Variants in FBLN1 observed in about 807,000 individuals in gnomAD.
FBLN1 encodes fibulin-1.
FBLN1 carries 34 observed loss-of-function variants against 89.7 expected under a neutral mutation model. That is an observed-to-expected ratio of 0.38 (90% CI 0.29 to 0.50). FBLN1 has a LOEUF of 0.50. Among genes scored for constraint, FBLN1 ranks in the 20% least tolerant of loss-of-function variants. The pLI is 0.92. For synonymous variants in FBLN1, 393 were observed against 391.3 expected (o/e 1.00, Z -0.05); for missense variants, 777 against 988.1 (o/e 0.79, Z 2.86).
intron 16 of FBLN1, among the ~76,000 whole-genome samples, chr22:45,587,166 G>A (rs913120586): frequency 2.0e-5 from 3 of 152,088 alleles, no homozygotes; most frequent in Non-Finnish European, 4.4e-5. Context: ...GGTTCCTGAC[G>A]CTGGAAGGCA....
At chr22:45,518,005 A>T (rs1415524526) in intron 1 of FBLN1, among the ~76,000 whole-genome samples, 1 of 151,652 alleles carries the variant, frequency 6.6e-6, no homozygotes, top group East Asian at 1.9e-4. Flanking sequence ...AGTGGTGGGC[A>T]CCTGTAATCC....
Position 45,557,249 on chromosome 22 carries a change from C to T in FBLN1, c.1697+6634C>T, listed in dbSNP as rs2088800186. ...GAGGGTGGATAAGGCATTCTGTGAA[C>T]CCACGGATGGTAGTCTTGGCAGAAG... On this transcript the variant is annotated intron_variant, in intron 14 of 16. Coordinates refer to ENST00000327858, the MANE Select transcript of FBLN1 (RefSeq NM_006486.3). The surrounding 1 kb of genome is among the most constrained non-coding windows in gnomAD (Gnocchi z 4.9). 6.6e-6 allele frequency among the ~76,000 whole-genome samples: 1 copy of T among 152,180 alleles called. No individual in the cohort carries two copies. The highest frequency in any genetic ancestry group is 1.5e-5 in the Non-Finnish European group (1 of 68,048).
chr22:45,538,170 G>A (rs1347809377), intron 8 of FBLN1, among the ~76,000 whole-genome samples: 1 of 152,192 alleles, frequency 6.6e-6, no homozygotes, highest in Non-Finnish European at 1.5e-5. Flanking sequence ...GGTCCTCAGT[G>A]ACAGCATCGA....
At chr22:45,546,190 A>AAG in intron 11 of FBLN1, among the ~76,000 whole-genome samples, 1 of 151,128 alleles carries the variant, frequency 6.6e-6, no homozygotes, top group East Asian at 2.0e-4. Flanking sequence ...AAAAAAAAAA[A>AAG]GAGTGAATGT....
At chr22:45,599,771 G>T (rs572225944) in intron 16 of FBLN1, among the ~76,000 whole-genome samples, 1 of 152,188 alleles carries the variant, frequency 6.6e-6, no homozygotes, top group African/African-American at 2.4e-5. Flanking sequence ...TATAAAATGA[G>T]CCAGGCATGG....
Position 45,531,027 on chromosome 22 carries a change from G to C in FBLN1, c.485-238G>C, listed in dbSNP as rs932952234. ...GATCCGCCTGCCTCGGCCTCCCAAA[G>C]TGCTGGGATTACAGGTGCCCGCCAC... On this transcript the variant is annotated intron_variant, in intron 4 of 16. Transcript: ENST00000327858. This position sits in a 1 kb window ranked among gnomAD's most constrained non-coding sequence, Gnocchi z 4.9. Among the ~76,000 whole-genome samples the C allele has an allele frequency of 6.6e-6, 1 of 152,162 alleles. No homozygotes were observed. The highest frequency in any genetic ancestry group is 2.4e-5 in the African/African-American group (1 of 41,444).
At chr22:45,525,415 TTC>T in intron 2 of FBLN1, 126 bp from the exon 3 acceptor site, 1 of 852,196 alleles carries the variant, frequency 1.2e-6, no homozygotes, top group Non-Finnish European at 1.9e-6. Context: ...CACTGTGTAT[TTC>T]TCTCTCTGTG....
Position 45,580,517 on chromosome 22 carries a change from C to T in FBLN1, c.1972+3409C>T, listed in dbSNP as rs544283075. ...TGACCAGGAGCCAGGGTTTCATCAT[C>T]GCCAGGACCCTGTGACACGGTGGGA... is the stretch of plus-strand genomic sequence containing the variant. On this transcript the variant is annotated intron_variant, in intron 16 of 16. Transcript: ENST00000327858. The surrounding 1 kb of genome is among the most constrained non-coding windows in gnomAD (Gnocchi z 8.6). Among the ~76,000 whole-genome samples, 2 of 152,290 alleles carry T rather than the reference C, an allele frequency of 1.3e-5. No individual in the cohort carries two copies. Among genetic ancestry groups the T allele is most frequent in the South Asian group, 2.1e-4 (1 of 4,830 alleles).
intron 1 of FBLN1, 79 bp from the exon 2 acceptor site, chr22:45,518,603 G>A (rs892173513): frequency 9.9e-6 from 10 of 1,010,768 alleles, no homozygotes; most frequent in African/African-American, 3.2e-5. Context: ...GGACGTGCGT[G>A]TCCTGGTGGT....
rs986615992 is a variant in FBLN1 at position 45,588,363 on chromosome 22, C to T, written c.1972+11255C>T. 3.3e-5 allele frequency among the ~76,000 whole-genome samples: 5 copies of T among 152,080 alleles called. No individual in the cohort carries two copies. The highest frequency in any genetic ancestry group is 1.9e-4 in the East Asian group (1 of 5,194). On this transcript the variant is annotated intron_variant, in intron 16 of 16. Coordinates refer to ENST00000327858, the MANE Select transcript of FBLN1 (RefSeq NM_006486.3). The surrounding 1 kb of genome is among the most constrained non-coding windows in gnomAD (Gnocchi z 5.1). ...ATGCTTGTGCTGGGGGGAGGGGTGT[C>T]GTGAAAAGGGAAACACCAGGAGTTG...
At chr22:45,526,612 C>T (rs2088331983) in intron 3 of FBLN1, among the ~76,000 whole-genome samples, 1 of 152,192 alleles carries the variant, frequency 6.6e-6, no homozygotes, top group African/African-American at 2.4e-5. Context: ...AGTCTGGATT[C>T]CAGGAGAGGG....
At chr22:45,593,649 C>T (rs1329727471) in intron 16 of FBLN1, among the ~76,000 whole-genome samples, 1 of 152,272 alleles carries the variant, frequency 6.6e-6, no homozygotes, top group East Asian at 1.9e-4. Flanking sequence ...AAATGCACCT[C>T]TTTGTCCTGC....
In FBLN1 at chr22:45,537,106, TGA is replaced by T. The variant is rs1373890929; in HGVS notation, c.922+1771_922+1772del. On this transcript the variant is annotated intron_variant, in intron 8 of 16. Coordinates refer to ENST00000327858, the MANE Select transcript of FBLN1 (RefSeq NM_006486.3). The surrounding 1 kb of genome is among the most constrained non-coding windows in gnomAD (Gnocchi z 5.7). ...CAGAGAGACTTTTTAGGAGAAGAGGTGAGGAATCCGAGCTACAGATCACACTA... is the reference window on the plus strand; with the variant it reads ...CAGAGAGACTTTTTAGGAGAAGAGGTGGAATCCGAGCTACAGATCACACTA... 6.6e-6 allele frequency among the ~76,000 whole-genome samples: 1 copy of T among 151,986 alleles called. No individual in the cohort carries two copies. The highest frequency in any genetic ancestry group is 6.6e-5 in the Admixed American group (1 of 15,258).
chr22:45,542,365 T>G, intron 10 of FBLN1, 82 bp downstream of exon 10: 5 of 1,547,150 alleles, frequency 3.2e-6, no homozygotes, highest in Non-Finnish European at 4.4e-6. Flanking sequence ...TCGAGTGATG[T>G]GGTCTGATCC....
At chr22:45,518,913 G>C in intron 2 of FBLN1, 126 bp downstream of exon 2, 1 of 869,666 alleles carries the variant, frequency 1.1e-6, no homozygotes, top group Non-Finnish European at 1.9e-6. Context: ...ATCCATCCAG[G>C]CTGCGGGTGC....
Position 45,588,969 on chromosome 22 carries a change from A to C in FBLN1, c.1973-11338A>C, listed in dbSNP as rs1294005559. On this transcript the variant is annotated intron_variant, in intron 16 of 16. Transcript: ENST00000327858. This position sits in a 1 kb window ranked among gnomAD's most constrained non-coding sequence, Gnocchi z 5.1. The stretch of plus-strand genomic sequence containing the variant: ...AGGCGGACTCTGCTAGGAACATTCC[A>C]TCTGTGGCCAAGGCTATCACAGTCC... Among the ~76,000 whole-genome samples, 1 of 151,722 alleles carries C rather than the reference A, an allele frequency of 6.6e-6. No homozygotes were observed. Among genetic ancestry groups the C allele is most frequent in the Non-Finnish European group, 1.5e-5 (1 of 67,992 alleles).
intron 3 of FBLN1, among the ~76,000 whole-genome samples, chr22:45,526,505 G>A (rs552050865): frequency 6.6e-6 from 1 of 152,192 alleles, no homozygotes; most frequent in African/African-American, 2.4e-5. Context: ...GGCTTCTGTT[G>A]GAGGTGCCAG....
chr22:45,594,917 GA>G (rs940327799), intron 16 of FBLN1, among the ~76,000 whole-genome samples: 3 of 152,184 alleles, frequency 2.0e-5, no homozygotes, highest in Non-Finnish European at 4.4e-5. Context: ...TGGGTTGATG[GA>G]TGGTTATGAA....
intron 1 of FBLN1, among the ~76,000 whole-genome samples, chr22:45,508,114 A>T (rs6007067): frequency 0.013 from 1,990 of 152,052 alleles, 48 homozygotes; most frequent in African/African-American, 0.046. Context: ...TAGCCCTGCA[A>T]AGGAGGTGCT....
Sources: allele counts gnomAD v4.1 joint callset (sites outside exome capture counted in the v4.1 genomes callset), GRCh38; gene constraint gnomAD v4.1.1; non-coding constraint Gnocchi (gnomAD v3.1); transcripts MANE v1.5; gene names NCBI Gene and HGNC (gene_info 2026-07-23, HGNC 2026-07-21).